TBCEL: variants seen among roughly 807,000 people sequenced by gnomAD.
TBCEL encodes tubulin-specific chaperone cofactor E-like protein.
TBCEL carries 15 observed loss-of-function variants against 44.2 expected under a neutral mutation model. The ratio of observed to expected loss-of-function variants is 0.34; its 90% CI spans 0.23 to 0.52. The LOEUF (loss-of-function observed/expected upper bound fraction) is 0.52, where lower values mean the gene tolerates loss of function less well. Among genes scored for constraint, TBCEL ranks in the 20% least tolerant of loss-of-function variants. TBCEL has a pLI of 0.95. For synonymous variants in TBCEL, 171 were observed against 185.4 expected (o/e 0.92, Z 0.63); for missense variants, 319 against 506.3 (o/e 0.63, Z 3.55).
intron 4 of TBCEL, among the ~76,000 whole-genome samples, chr11:121,053,191 T>A (rs1316566131): frequency 6.6e-6 from 1 of 152,054 alleles, no homozygotes; most frequent in East Asian, 1.9e-4. Flanking sequence ...TTATATGAAC[T>A]AATCTCAGCT....
chr11:121,051,429 A>C lies in TBCEL; in HGVS notation c.274-2122A>C, dbSNP rs17245803. Among the ~76,000 whole-genome samples, 1,284 of 151,842 alleles carry C rather than the reference A, an allele frequency of 8.5e-3. 7 individuals carry two copies. The highest frequency in any genetic ancestry group is 0.012 in the Non-Finnish European group (833 of 67,782). On this transcript the variant is annotated intron_variant, in intron 4 of 8. Coordinates refer to ENST00000683345, the MANE Select transcript of TBCEL (RefSeq NM_001363644.2). ...TCCTATAAGTTATTCTTCGTGCTTT[A>C]GTTGGAGCATAATTCCTGTCCCCCT...
intron 2 of TBCEL, among the ~76,000 whole-genome samples, chr11:121,043,849 C>A (rs183263627): frequency 1.3e-5 from 2 of 152,010 alleles, no homozygotes; most frequent in Non-Finnish European, 2.9e-5. Flanking sequence ...TTTTATATAT[C>A]GTAATGGTGT....
intron 8 of TBCEL, among the ~76,000 whole-genome samples, chr11:121,079,191 G>A (rs1565506979): frequency 6.6e-6 from 1 of 152,122 alleles, no homozygotes; most frequent in Admixed American, 6.6e-5. Context: ...CAGATATTTG[G>A]GGAAGACAAG....
At position 121,045,711 on chromosome 11, in the gene TBCEL, A is replaced by T; in HGVS notation, c.21A>T (p.Arg7Ser). 1 of 1,600,756 alleles carries T rather than the reference A, an allele frequency of 6.2e-7. No individual in the cohort carries two copies. Among genetic ancestry groups the T allele is most frequent in the Non-Finnish European group, 8.5e-7 (1 of 1,176,238 alleles). Residue 7 changes from arginine (R) to serine (S), a missense_variant, in exon 3 of 9, where the codon AGA (arginine) becomes AGT (serine). Arg to Ser is a moderately radical substitution (Grantham distance 110, BLOSUM62 -1). Transcript: ENST00000683345. Reference protein sequence around the residue: MDQPSGRSFMQVLCEKY... With the variant: MDQPSGSSFMQVLCEKY... Reference sequence around the variant, plus strand: ...GAAAGATGGATCAACCTAGTGGAAGAAGTTTCATGCAAGTATTATGTGAAA... The same window carrying T: ...GAAAGATGGATCAACCTAGTGGAAGTAGTTTCATGCAAGTATTATGTGAAA...
At chr11:121,031,149 A>G (rs1440954574) in intron 1 of TBCEL, among the ~76,000 whole-genome samples, 1 of 152,124 alleles carries the variant, frequency 6.6e-6, no homozygotes, top group Non-Finnish European at 1.5e-5. Flanking sequence ...GTTGTTACGG[A>G]CATTCTTTTA....
At chr11:121,080,257 A>C (rs1490538973) in intron 8 of TBCEL, among the ~76,000 whole-genome samples, 1 of 152,230 alleles carries the variant, frequency 6.6e-6, no homozygotes, top group African/African-American at 2.4e-5. Flanking sequence ...ATATAGCATT[A>C]CCTAGAGTAA....
intron 2 of TBCEL, among the ~76,000 whole-genome samples, chr11:121,042,819 TACAA>T (rs1358196153): frequency 6.6e-6 from 1 of 152,116 alleles, no homozygotes; most frequent in African/African-American, 2.4e-5. Flanking sequence ...AAATTCTTAT[TACAA>T]ACCTGAGAGG....
chr11:121,048,540 T>G (rs531500347), intron 4 of TBCEL, among the ~76,000 whole-genome samples: 6 of 151,956 alleles, frequency 3.9e-5, no homozygotes, highest in Non-Finnish European at 1.5e-5. Context: ...ATTTTTTGAT[T>G]TGACTTTAGG....
Position 121,024,229 on chromosome 11 carries a change from G to A in TBCEL, c.-188G>A, listed in dbSNP as rs1005331217. ...CGGCGGCGACAGCGGTGGCCGGGAG[G>A]GGGGAGGAGAGGCGCAGCCAGAGGA... is the stretch of plus-strand genomic sequence containing the variant. On this transcript the variant is annotated 5_prime_UTR_variant, in exon 1 of 9. Coordinates refer to ENST00000683345, the MANE Select transcript of TBCEL (RefSeq NM_001363644.2). 2.6e-4 allele frequency: 39 copies of A among 152,880 alleles called. No individual in the cohort carries two copies. Among genetic ancestry groups the A allele is most frequent in the Non-Finnish European group, 4.5e-4 (31 of 68,344 alleles). The allele number at this position is 152,880 out of a possible 1,614,324, so 9.5% of individuals were successfully genotyped here.
At position 121,088,621 on chromosome 11, in the gene TBCEL, T is replaced by G. The variant is rs1946250684; in HGVS notation, c.*1525T>G. ...TCTGATTGCATTTGACCTTTTGACCTTTGTTACATAATTCTACCCCTCCTA... is the reference window on the plus strand; with the variant it reads ...TCTGATTGCATTTGACCTTTTGACCGTTGTTACATAATTCTACCCCTCCTA... On this transcript the variant is annotated 3_prime_UTR_variant, in exon 9 of 9. Coordinates refer to ENST00000683345, the MANE Select transcript of TBCEL (RefSeq NM_001363644.2). 1 of 152,212 alleles carries G rather than the reference T, an allele frequency of 6.6e-6. No homozygotes were observed. Among genetic ancestry groups the G allele is most frequent in the African/African-American group, 2.4e-5 (1 of 41,448 alleles). 9.4% of individuals were successfully genotyped at this position (152,212 alleles called of 1,614,324 possible). A position where few individuals can be genotyped will look rare whatever the true frequency, so the allele number is the denominator to read the frequency against.
At chr11:121,082,014 C>G (rs1388815957) in intron 8 of TBCEL, among the ~76,000 whole-genome samples, 1 of 152,124 alleles carries the variant, frequency 6.6e-6, no homozygotes, top group African/African-American at 2.4e-5. Context: ...AAGGAAGGTG[C>G]AGAAAATGGT....
chr11:121,069,613 A>C (rs1296343561), intron 8 of TBCEL, among the ~76,000 whole-genome samples: 1 of 152,146 alleles, frequency 6.6e-6, no homozygotes, highest in African/African-American at 2.4e-5. Flanking sequence ...CAACATGGTG[A>C]AACCCCATTT....
At chr11:121,076,990 A>G (rs57401958) in intron 8 of TBCEL, among the ~76,000 whole-genome samples, 39,924 of 151,830 alleles carry the variant, frequency 0.26, 5,603 homozygotes, top group African/African-American at 0.36. Context: ...GAATTCCCAA[A>G]ATAAATCCCA....
intron 5 of TBCEL, 77 bp from the exon 6 acceptor site, chr11:121,054,975 A>T: frequency 7.4e-7 from 1 of 1,358,908 alleles, no homozygotes; most frequent in Non-Finnish European, 9.6e-7. Flanking sequence ...TTACTTATTT[A>T]TTGAATGAAT....
Position 121,087,054 on chromosome 11 carries a change from T to A in TBCEL, c.1233T>A (p.Ile411=). The stretch of plus-strand genomic sequence containing the variant: ...CTCGGGCATTGCATTCCTTTGGCAT[T>A]AGGGATGGAGATAAAATTTACGTGG... The part of the protein sequence containing the change: ...YSSRALHSFG[I]RDGDKIYVES... The change falls in exon 9 of 9, where the codon ATT becomes ATA. Residue 411 remains isoleucine (I), a synonymous_variant. Coordinates refer to ENST00000683345, the MANE Select transcript of TBCEL (RefSeq NM_001363644.2). The A allele has an allele frequency of 6.2e-7, 1 of 1,613,976 alleles. No individual in the cohort carries two copies. Among genetic ancestry groups the A allele is most frequent in the African/African-American group, 1.3e-5 (1 of 75,032 alleles).
At chr11:121,055,024 A>G (rs1945595280) in intron 5 of TBCEL, 28 bp from the exon 6 acceptor site, 2 of 1,450,472 alleles carry the variant, frequency 1.4e-6, no homozygotes, top group African/African-American at 2.9e-5. Flanking sequence ...TGCTTTAAAC[A>G]ATGAAATATT....
At chr11:121,068,371 C>T (rs1945860650) in intron 8 of TBCEL, among the ~76,000 whole-genome samples, 1 of 151,998 alleles carries the variant, frequency 6.6e-6, no homozygotes, top group African/African-American at 2.4e-5. Flanking sequence ...CTCCCACACC[C>T]CACATCTGGT....
Position 121,032,684 on chromosome 11 carries a change from G to C in TBCEL, c.-125-3821G>C, listed in dbSNP as rs777026110. Among the ~76,000 whole-genome samples, 4 of 152,062 alleles carry C rather than the reference G, an allele frequency of 2.6e-5. No homozygotes were observed. The South Asian group carries it at 8.3e-4, about 32-fold the overall frequency. On this transcript the variant is annotated intron_variant, in intron 1 of 8. Transcript: ENST00000683345. ...TACCCTTGGGGACCACTTAAATAGT[G>C]AAGTCACCAACAAAAAGCACAAAAA...
Position 121,088,237 on chromosome 11 carries a change from A to T in TBCEL, c.*1141A>T, listed in dbSNP as rs1223157316. The stretch of plus-strand genomic sequence containing the variant: ...ATTTTATTCCCAGGTTTTCCCTGGG[A>T]CTTTGTGATATCATAATTGAACAGT... On this transcript the variant is annotated 3_prime_UTR_variant, in exon 9 of 9. Coordinates refer to ENST00000683345, the MANE Select transcript of TBCEL (RefSeq NM_001363644.2). 6.6e-6 allele frequency: 1 copy of T among 152,172 alleles called. No homozygotes were observed. The highest frequency in any genetic ancestry group is 1.5e-5 in the Non-Finnish European group (1 of 68,020). 9.4% of individuals were successfully genotyped at this position (152,172 alleles called of 1,614,324 possible).
Sources: gnomAD v4.1 joint callset for allele counts (sites outside exome capture counted in the v4.1 genomes callset) on GRCh38, gnomAD v4.1.1 for gene constraint, MANE v1.5 for transcripts, NCBI Gene and HGNC (gene_info 2026-07-23, HGNC 2026-07-21) for gene names.